The following WDR49 variants were observed in gnomAD, a reference collection of about 807,000 sequenced individuals.
WDR49 encodes cilia- and flagella-associated protein 337.
Under a neutral mutation model 119.5 loss-of-function variants are expected in WDR49, and 107 were observed. That is an observed-to-expected ratio of 0.90 (90% CI 0.77 to 1.05). The LOEUF (loss-of-function observed/expected upper bound fraction) is 1.05. WDR49 is among the 50% of genes least tolerant of loss of function. The pLI is 0.00. For missense variants in WDR49, 1,240 were observed against 1,220.5 expected (o/e 1.02, Z -0.24); for synonymous variants, 425 against 418.8 (o/e 1.01, Z -0.18).
chr3:167,613,409 C>T (rs1716437783), intron 5 of WDR49, among the ~76,000 whole-genome samples: 1 of 152,142 alleles, frequency 6.6e-6, no homozygotes, highest in African/African-American at 2.4e-5. Context: ...TTCCTCAAAC[C>T]AAGGCCACTG....
At chr3:167,651,134 C>G (rs1718357830) in intron 2 of WDR49, among the ~76,000 whole-genome samples, 1 of 152,080 alleles carries the variant, frequency 6.6e-6, no homozygotes, top group Non-Finnish European at 1.5e-5. Flanking sequence ...AATTCAAAGA[C>G]CCAACTTCCT....
At chr3:167,549,318 A>G (rs1453425045) in intron 10 of WDR49, among the ~76,000 whole-genome samples, 1 of 152,150 alleles carries the variant, frequency 6.6e-6, no homozygotes, top group African/African-American at 2.4e-5. Context: ...AACAGTGTAA[A>G]AGTGTTCCTA....
intron 18 of WDR49, among the ~76,000 whole-genome samples, chr3:167,494,494 A>G (rs763754943): frequency 6.6e-6 from 1 of 152,158 alleles, no homozygotes; most frequent in Non-Finnish European, 1.5e-5. Context: ...CAGATAAATT[A>G]CAAATGATAT....
intron 2 of WDR49, among the ~76,000 whole-genome samples, chr3:167,630,343 C>A (rs1717317013): frequency 6.6e-6 from 1 of 152,108 alleles, no homozygotes. Flanking sequence ...AAGATATGTA[C>A]ACTTTTTTAG....
intron 7 of WDR49, among the ~76,000 whole-genome samples, chr3:167,601,786 A>G (rs1715784636): frequency 6.6e-6 from 1 of 152,172 alleles, no homozygotes; most frequent in African/African-American, 2.4e-5. Context: ...CCTGGACTTT[A>G]TCTTATCAAA....
At chr3:167,653,152 T>C in intron 2 of WDR49, 109 bp downstream of exon 2, 1 of 1,244,308 alleles carries the variant, frequency 8.0e-7, no homozygotes, top group Non-Finnish European at 1.1e-6. Flanking sequence ...TTCTCTGCTA[T>C]AACAATTAAG....
chr3:167,647,222 T>G (rs2420028), intron 2 of WDR49, among the ~76,000 whole-genome samples: 1 of 152,198 alleles, frequency 6.6e-6, no homozygotes, highest in African/African-American at 2.4e-5. Flanking sequence ...CTCCCTCCTC[T>G]GTAACAAGCT....
At chr3:167,625,594 A>T (rs777184030) in intron 3 of WDR49, among the ~76,000 whole-genome samples, 1 of 152,004 alleles carries the variant, frequency 6.6e-6, no homozygotes, top group African/African-American at 2.4e-5. Context: ...GAAATTGTGA[A>T]ATTAGAATAT....
intron 16 of WDR49, among the ~76,000 whole-genome samples, chr3:167,506,465 A>G (rs947236578): frequency 6.6e-6 from 1 of 152,328 alleles, no homozygotes. Flanking sequence ...TAAAATATCA[A>G]TACAAGTAAA....
intron 2 of WDR49, among the ~76,000 whole-genome samples, chr3:167,642,695 C>A (rs1717938346): frequency 6.6e-6 from 1 of 151,904 alleles, no homozygotes; most frequent in South Asian, 2.1e-4. Flanking sequence ...CAATACCATT[C>A]TCCAATAAAT....
chr3:167,541,267 A>G (rs1160149361), intron 10 of WDR49, among the ~76,000 whole-genome samples: 3 of 152,160 alleles, frequency 2.0e-5, no homozygotes, highest in African/African-American at 7.2e-5. Context: ...ATCTAAAGTC[A>G]AACAAAGGAA....
intron 16 of WDR49, among the ~76,000 whole-genome samples, chr3:167,510,292 T>C (rs184114629): frequency 6.6e-6 from 1 of 152,314 alleles, no homozygotes; most frequent in East Asian, 1.9e-4. Flanking sequence ...AATAAGGAAA[T>C]ATTCTGAAAC....
intron 7 of WDR49, among the ~76,000 whole-genome samples, 163 bp downstream of exon 7, chr3:167,601,964 C>T (rs1389175567): frequency 1.3e-5 from 2 of 152,172 alleles, no homozygotes; most frequent in Non-Finnish European, 2.9e-5. Context: ...AAGTAACCAT[C>T]AACCAACACC....
At position 167,527,702 on chromosome 3, in the gene WDR49, G is replaced by A. The variant is rs1752685493; in HGVS notation, c.2604+118C>T. The A allele has an allele frequency of 3.7e-6, 4 of 1,072,044 alleles. No individual in the cohort carries two copies. In the South Asian group the frequency reaches 5.0e-5, roughly 13 times the overall value. The allele number at this position is 1,072,044 out of a possible 1,614,324, so 66.4% of individuals were successfully genotyped here. The stretch of plus-strand genomic sequence containing the variant: ...CTGGAGCTACTGCTTCGGAAATGTT[G>A]TCAGTTCTTTCATGACTAATGAACA... On this transcript the variant is annotated intron_variant, in intron 15 of 18. Coordinates refer to ENST00000682715, the MANE Select transcript of WDR49 (RefSeq NM_001366157.1).
At chr3:167,499,789 G>T (rs1444070348) in intron 18 of WDR49, among the ~76,000 whole-genome samples, 1 of 152,110 alleles carries the variant, frequency 6.6e-6, no homozygotes, top group East Asian at 1.9e-4. Flanking sequence ...AAACAAGATT[G>T]CCAGACACTG....
chr3:167,492,246 T>A (rs1018917964), intron 18 of WDR49, among the ~76,000 whole-genome samples: 1 of 151,878 alleles, frequency 6.6e-6, no homozygotes, highest in Non-Finnish European at 1.5e-5. Context: ...ATAATAAAAA[T>A]AGGTAATACA....
At position 167,478,906 on chromosome 3, in the gene WDR49, C is replaced by T; in HGVS notation, c.3122G>A (p.Ser1041Asn). 6.2e-7 allele frequency: 1 copy of T among 1,608,312 alleles called. No individual in the cohort carries two copies. The highest frequency in any genetic ancestry group is 8.5e-7 in the Non-Finnish European group (1 of 1,178,680). ...RKAKQLCQEK[S>N]CEVKKNKK The stretch of plus-strand genomic sequence containing the variant: ...CTTCTTATTTTTCTTCACTTCACAA[C>T]TTTTTTCTTGGCATAATTGCTTGGC... The change falls in exon 19 of 19, where the codon AGT becomes AAT. Residue 1041 changes from serine (S) to asparagine (N), a missense_variant. Ser to Asn is a conservative substitution (Grantham distance 46). Transcript: ENST00000682715.
intron 18 of WDR49, among the ~76,000 whole-genome samples, chr3:167,486,638 A>C (rs1228718050): frequency 6.6e-6 from 1 of 152,124 alleles, no homozygotes; most frequent in Non-Finnish European, 1.5e-5. Context: ...TAAACAAATA[A>C]AAATTAAGAA....
At chr3:167,616,771 A>C (rs1479088436) in intron 5 of WDR49, among the ~76,000 whole-genome samples, 3 of 152,230 alleles carry the variant, frequency 2.0e-5, no homozygotes, top group Admixed American at 2.0e-4. Context: ...ACATATACAC[A>C]CACCCCAAGA....
Sources: allele counts gnomAD v4.1 joint callset (sites outside exome capture counted in the v4.1 genomes callset), GRCh38; gene constraint gnomAD v4.1.1; transcripts MANE v1.5; gene names NCBI Gene and HGNC (gene_info 2026-07-23, HGNC 2026-07-21).